The following TBC1D22A variants were observed in gnomAD, a reference collection of about 807,000 sequenced individuals.
TBC1D22A encodes the protein putative GTPase activator.
In TBC1D22A, 38 loss-of-function variants were observed where a neutral mutation model predicts 60.2. The ratio of observed to expected loss-of-function variants is 0.63; its 90% confidence interval spans 0.49 to 0.83. The LOEUF is 0.83. Ranked by LOEUF, TBC1D22A falls within the 40% of genes least tolerant of loss-of-function variation. TBC1D22A has a pLI of 0.00. For missense variants in TBC1D22A, 628 were observed against 701.0 expected (o/e 0.90, Z 1.18); for synonymous variants, 302 against 281.7 (o/e 1.07, Z -0.72).
At chr22:47,167,786 G>C (rs2068265163) in intron 12 of TBC1D22A, among the ~76,000 whole-genome samples, 1 of 152,196 alleles carries the variant, frequency 6.6e-6, no homozygotes, top group African/African-American at 2.4e-5. Context: ...GCATCATTCA[G>C]AAGGAACCAG....
At chr22:46,779,551 G>T (rs771164811) in intron 1 of TBC1D22A, among the ~76,000 whole-genome samples, 1 of 152,116 alleles carries the variant, frequency 6.6e-6, no homozygotes, top group Non-Finnish European at 1.5e-5. Context: ...GAGCCACAGC[G>T]CCTGGCCAGG....
At chr22:47,117,897 C>T (rs959017746) in intron 12 of TBC1D22A, among the ~76,000 whole-genome samples, 2 of 151,766 alleles carry the variant, frequency 1.3e-5, no homozygotes, top group African/African-American at 2.4e-5. Context: ...CAGAGGCGGG[C>T]GGATCACCTG....
intron 4 of TBC1D22A, among the ~76,000 whole-genome samples, chr22:46,844,270 C>T (rs1458514403): frequency 2.0e-5 from 3 of 152,044 alleles, no homozygotes; most frequent in Non-Finnish European, 4.4e-5. Flanking sequence ...CTGAGTACAC[C>T]GTTAACTGCT....
chr22:47,065,614 C>T (rs988149508), intron 11 of TBC1D22A, among the ~76,000 whole-genome samples: 1 of 152,054 alleles, frequency 6.6e-6, no homozygotes, highest in Non-Finnish European at 1.5e-5. Context: ...TGGGTCTCCA[C>T]GAGGACTTAG....
intron 8 of TBC1D22A, among the ~76,000 whole-genome samples, chr22:46,969,553 A>G (rs985892473): frequency 6.6e-6 from 1 of 152,226 alleles, no homozygotes; most frequent in African/African-American, 2.4e-5. Flanking sequence ...GGCAAGCGAG[A>G]TGGTTTTTAA....
At chr22:46,793,889 A>G in intron 3 of TBC1D22A, 48 bp downstream of exon 3, 2 of 1,473,172 alleles carry the variant, frequency 1.4e-6, no homozygotes, top group Non-Finnish European at 1.8e-6. Context: ...GGCCAAGCTA[A>G]GAAAGTGGCC....
rs560203120 is a variant in TBC1D22A at position 47,085,137 on chromosome 22, C to G, written c.1330-26371C>G. On this transcript the variant is annotated intron_variant, in intron 11 of 12. Transcript: ENST00000337137. ...CTCTACTGAAAATACAAAAATTAGC[C>G]GGATATGGTGGCGTGTGCCTGTAAT... is the stretch of plus-strand genomic sequence containing the variant. 1.4e-3 allele frequency among the ~76,000 whole-genome samples: 212 copies of G among 152,174 alleles called. 1 individual carries two copies. The highest frequency in any genetic ancestry group is 4.9e-3 in the African/African-American group (202 of 41,510).
chr22:46,820,527 C>T (rs375057517), intron 4 of TBC1D22A, among the ~76,000 whole-genome samples: 1 of 152,170 alleles, frequency 6.6e-6, no homozygotes, highest in South Asian at 2.1e-4. Context: ...ATTCAATTTC[C>T]ATGAAATTAT....
At chr22:46,782,490 G>A (rs1271760159) in intron 1 of TBC1D22A, among the ~76,000 whole-genome samples, 1 of 152,192 alleles carries the variant, frequency 6.6e-6, no homozygotes, top group East Asian at 1.9e-4. Context: ...CCATCTTTGT[G>A]GAGATACCAC....
chr22:46,979,735 A>T (rs136114), intron 9 of TBC1D22A, among the ~76,000 whole-genome samples: 3 of 152,190 alleles, frequency 2.0e-5, no homozygotes, highest in East Asian at 1.9e-4. Context: ...GCCTGCTGCC[A>T]GCATGCCCGC....
In TBC1D22A at chr22:47,028,938, CCCTCACTTCAGACT is replaced by C. The variant is rs2062359804; in HGVS notation, c.1202-8130_1202-8117del. 6.6e-6 allele frequency among the ~76,000 whole-genome samples: 1 copy of C among 152,186 alleles called. No homozygotes were observed. Among genetic ancestry groups the C allele is most frequent in the African/African-American group, 2.4e-5 (1 of 41,442 alleles). The stretch of plus-strand genomic sequence containing the variant: ...AAGGGCTCAGTCCTTAACAAGAGCA[CCCTCACTTCAGACT>C]CCAGCTGCACCTCAGTGGTCCCCAG... On this transcript the variant is annotated intron_variant, in intron 10 of 12. Coordinates refer to ENST00000337137, the MANE Select transcript of TBC1D22A (RefSeq NM_014346.5). This position sits in a 1 kb window ranked among gnomAD's most constrained non-coding sequence, Gnocchi z 4.4.
intron 4 of TBC1D22A, among the ~76,000 whole-genome samples, chr22:46,843,110 C>T (rs552227043): frequency 2.3e-4 from 35 of 152,296 alleles, no homozygotes; most frequent in Middle Eastern, 6.8e-3. Context: ...TTCAGGGCAT[C>T]ATTTGTGAAA....
chr22:47,038,003 G>A (rs1322810109), intron 11 of TBC1D22A, among the ~76,000 whole-genome samples: 1 of 152,222 alleles, frequency 6.6e-6, no homozygotes, highest in Non-Finnish European at 1.5e-5. Flanking sequence ...AGGAGGTTGA[G>A]TTTTCTGGAA....
intron 11 of TBC1D22A, among the ~76,000 whole-genome samples, chr22:47,039,182 G>T (rs1341590422): frequency 6.6e-6 from 1 of 152,048 alleles, no homozygotes; most frequent in African/African-American, 2.4e-5. Flanking sequence ...CACAATTGTG[G>T]CATCTTTATT....
At chr22:46,978,925 G>C (rs2074408661) in intron 9 of TBC1D22A, among the ~76,000 whole-genome samples, 1 of 152,148 alleles carries the variant, frequency 6.6e-6, no homozygotes, top group Non-Finnish European at 1.5e-5. Flanking sequence ...TGTTTTAATA[G>C]CCTTTTCAGG....
chr22:47,060,349 C>T (rs1446406679), intron 11 of TBC1D22A, among the ~76,000 whole-genome samples: 1 of 148,722 alleles, frequency 6.7e-6, no homozygotes, highest in African/African-American at 2.5e-5. Flanking sequence ...TCAAGCGATT[C>T]TTCTGCCTCA....
At chr22:47,061,778 C>T (rs73888853) in intron 11 of TBC1D22A, among the ~76,000 whole-genome samples, 9,057 of 152,038 alleles carry the variant, frequency 0.06, 301 homozygotes, top group Middle Eastern at 0.088. Flanking sequence ...TCATCTATTT[C>T]CTCCCAGTCT....
At position 46,794,229 on chromosome 22, in the gene TBC1D22A, G is replaced by A. The variant is rs1400607064; in HGVS notation, c.460+388G>A. 2.0e-5 allele frequency among the ~76,000 whole-genome samples: 3 copies of A among 152,218 alleles called. No homozygotes were observed. In the East Asian group the frequency reaches 5.8e-4, roughly 29 times the overall value. On this transcript the variant is annotated intron_variant, in intron 3 of 12. Transcript: ENST00000337137. Reference sequence around the variant, plus strand: ...TCCACCAGCTTGTGATGGTTCCATGGGTGACATTGCCAGCCGAGGGGTCAG... The same window carrying A: ...TCCACCAGCTTGTGATGGTTCCATGAGTGACATTGCCAGCCGAGGGGTCAG...
Position 46,792,564 on chromosome 22 carries a change from T to A in TBC1D22A, c.107T>A (p.Leu36Gln), listed in dbSNP as rs754052601. 6.2e-7 allele frequency: 1 copy of A among 1,614,106 alleles called. No homozygotes were observed. The highest frequency in any genetic ancestry group is 8.5e-7 in the Non-Finnish European group (1 of 1,180,040). ...YGAQHPPFDP[L>Q]LHGTLLRSTA... is the part of the protein sequence containing the mutation. ...GCCCAGCACCCCCCCTTTGATCCAC[T>A]GTTACATGGCACGTAAGTGACGTTC... The change falls in exon 2 of 13, where the codon CTG becomes CAG. Residue 36 changes from leucine (L) to glutamine (Q), a missense_variant. Transcript: ENST00000337137.
Sources: gnomAD v4.1 joint callset for allele counts (sites outside exome capture counted in the v4.1 genomes callset) on GRCh38, gnomAD v4.1.1 for gene constraint, Gnocchi (gnomAD v3.1) non-coding constraint, MANE v1.5 for transcripts, NCBI Gene and HGNC (gene_info 2026-07-23, HGNC 2026-07-21) for gene names.